The following ORC2 variants were observed in gnomAD, a reference collection of about 807,000 sequenced individuals.
ORC2 encodes the protein origin recognition complex protein 2 homolog.
A neutral mutation model predicts 77.7 loss-of-function variants in ORC2; 37 were observed. The ratio of observed to expected loss-of-function variants is 0.48; its 90% CI spans 0.37 to 0.63. The LOEUF is 0.63. Ranked by LOEUF, ORC2 falls within the 20% of genes least tolerant of loss-of-function variation. The pLI, the probability that ORC2 is intolerant of heterozygous loss-of-function variation, is 0.00. For synonymous variants in ORC2, 201 were observed against 229.5 expected (o/e 0.88, Z 1.12); for missense variants, 557 against 661.9 (o/e 0.84, Z 1.74).
chr2:200,914,538 G>C (rs1490176290), intron 15 of ORC2, among the ~76,000 whole-genome samples: 8 of 152,070 alleles, frequency 5.3e-5, no homozygotes, highest in African/African-American at 1.9e-4. Context: ...CACCCCTTTG[G>C]GAGACTGAGG....
intron 15 of ORC2, among the ~76,000 whole-genome samples, chr2:200,916,413 A>G (rs1172580677): frequency 6.6e-6 from 1 of 151,906 alleles, no homozygotes; most frequent in Non-Finnish European, 1.5e-5. Context: ...TAAACCCCAG[A>G]GAGGGAGGTT....
chr2:200,954,932 A>G (rs186635033), intron 4 of ORC2, among the ~76,000 whole-genome samples: 34 of 152,134 alleles, frequency 2.2e-4, no homozygotes, highest in Non-Finnish European at 3.4e-4. Context: ...ATAAATAAAT[A>G]AATAAATGGT....
intron 11 of ORC2, among the ~76,000 whole-genome samples, chr2:200,930,303 A>G (rs1392633607): frequency 6.6e-6 from 1 of 152,236 alleles, no homozygotes; most frequent in Admixed American, 6.5e-5. Context: ...AGCAATTCCA[A>G]CAAACTTGCT....
intron 3 of ORC2, among the ~76,000 whole-genome samples, chr2:200,957,793 G>A (rs2041498319): frequency 6.6e-6 from 1 of 151,344 alleles, no homozygotes; most frequent in Admixed American, 6.6e-5. Flanking sequence ...ATTACAATGG[G>A]TAGTTATTAG....
At chr2:200,939,507 GCTTAT>G (rs1009284091) in intron 7 of ORC2, among the ~76,000 whole-genome samples, 36 of 152,268 alleles carry the variant, frequency 2.4e-4, no homozygotes, top group African/African-American at 8.2e-4. Context: ...AGGGCAAACA[GCTTAT>G]CTTATCAACA....
chr2:200,940,995 CA>C (rs1394583367), intron 7 of ORC2, among the ~76,000 whole-genome samples: 1 of 152,146 alleles, frequency 6.6e-6, no homozygotes, highest in Non-Finnish European at 1.5e-5. Context: ...AAAAGCACAA[CA>C]GTTGGGTCTG....
At chr2:200,941,355 A>G in intron 6 of ORC2, 76 bp from the exon 7 acceptor site, 1 of 1,390,274 alleles carries the variant, frequency 7.2e-7, no homozygotes, top group Admixed American at 1.8e-5. Flanking sequence ...CATTAAAAGT[A>G]AAGTTTGCCA....
At chr2:200,955,232 A>AT (rs1474246850) in intron 4 of ORC2, among the ~76,000 whole-genome samples, 3 of 152,210 alleles carry the variant, frequency 2.0e-5, no homozygotes, top group African/African-American at 7.2e-5. Context: ...TAGGCCTGGC[A>AT]TAATAGGGAG....
chr2:200,941,372 G>A, intron 6 of ORC2, 93 bp from the exon 7 acceptor site: 1 of 1,153,814 alleles, frequency 8.7e-7, no homozygotes, highest in Non-Finnish European at 1.3e-6. Context: ...GCCAGGCATG[G>A]TGGCTCACAT....
chr2:200,909,440 G>A lies in ORC2; in HGVS notation c.*1861C>T, dbSNP rs972444315. ...GACTAAGCCCTTGGCCAGGCATAGT[G>A]GCTCACCCCTGATCCCAGTACTTTG... On this transcript the variant is annotated 3_prime_UTR_variant, in exon 18 of 18. Transcript: ENST00000234296. The A allele has an allele frequency of 1.3e-4, 20 of 152,038 alleles. No homozygotes were observed. The highest frequency in any genetic ancestry group is 4.6e-4 in the African/African-American group (19 of 41,476). The allele number at this position is 152,038 out of a possible 1,614,324, so 9.4% of individuals were successfully genotyped here. A position where few individuals can be genotyped will look rare whatever the true frequency, so the allele number is the denominator to read the frequency against.
chr2:200,944,981 C>T (rs10205561), intron 5 of ORC2, among the ~76,000 whole-genome samples: 42,321 of 152,122 alleles, frequency 0.28, 8,303 homozygotes, highest in African/African-American at 0.55. Flanking sequence ...TTAAGTACAG[C>T]TTTATGTAGC....
intron 11 of ORC2, among the ~76,000 whole-genome samples, chr2:200,930,392 G>A (rs536616036): frequency 1.3e-5 from 2 of 152,212 alleles, no homozygotes; most frequent in African/African-American, 4.8e-5. Context: ...ATGATGGGCT[G>A]GGGATGGGAT....
intron 13 of ORC2, among the ~76,000 whole-genome samples, chr2:200,923,806 AT>A (rs1175426991): frequency 6.6e-6 from 1 of 152,124 alleles, no homozygotes; most frequent in Non-Finnish European, 1.5e-5. Flanking sequence ...TGTGAAAACG[AT>A]GCTTGTTTAT....
chr2:200,961,069 C>T (rs927337269), intron 1 of ORC2, among the ~76,000 whole-genome samples: 36 of 151,482 alleles, frequency 2.4e-4, no homozygotes, highest in Middle Eastern at 3.5e-3. Context: ...GCCACTGCAC[C>T]TGGCAGATTC....
In ORC2 at chr2:200,954,904, G is replaced by GAATAAATA. The variant is rs66473778; in HGVS notation, c.238+2489_238+2496dup. On this transcript the variant is annotated intron_variant, in intron 4 of 17. Coordinates refer to ENST00000234296, the MANE Select transcript of ORC2 (RefSeq NM_006190.5). ...GTGAGGAATGAATGAATGAATGAATGAATAAATAAATAAATAAATAAATAA... is the reference window on the plus strand; with the variant it reads ...GTGAGGAATGAATGAATGAATGAATGAATAAATAAATAAATAAATAAATAAATAAATAA... Among the ~76,000 whole-genome samples the GAATAAATA allele has an allele frequency of 6.6e-3, 952 of 144,714 alleles. 5 individuals carry two copies. The highest frequency in any genetic ancestry group is 0.018 in the African/African-American group (683 of 38,330). The allele number at this position is 144,714 out of a possible 152,430, so 94.9% of individuals were successfully genotyped here. A position where few individuals can be genotyped will look rare whatever the true frequency, so the allele number is the denominator to read the frequency against.
intron 2 of ORC2, among the ~76,000 whole-genome samples, chr2:200,959,062 C>T (rs1209202512): frequency 6.6e-6 from 1 of 152,046 alleles, no homozygotes; most frequent in East Asian, 1.9e-4. Flanking sequence ...TGTGTTGCTG[C>T]AGCCTCAACC....
In ORC2 at chr2:200,933,994, T is replaced by A; in HGVS notation, c.709-20A>T. Reference sequence around the variant, plus strand: ...GTCACTCTGAAAGTGAACAGAGTAGTCAGTCCTTAGTAGCTTCAAATATCT... The same window carrying A: ...GTCACTCTGAAAGTGAACAGAGTAGACAGTCCTTAGTAGCTTCAAATATCT... On this transcript the variant is annotated intron_variant, in intron 9 of 17. Transcript: ENST00000234296. The A allele has an allele frequency of 7.5e-7, 1 of 1,338,164 alleles. No individual in the cohort carries two copies. Among genetic ancestry groups the A allele is most frequent in the Non-Finnish European group, 1.1e-6 (1 of 936,820 alleles). The allele number at this position is 1,338,164 out of a possible 1,614,324, so 82.9% of individuals were successfully genotyped here.
intron 13 of ORC2, among the ~76,000 whole-genome samples, chr2:200,925,132 C>CA (rs1450357607): frequency 6.6e-6 from 1 of 152,100 alleles, no homozygotes; most frequent in Non-Finnish European, 1.5e-5. Flanking sequence ...CAAGTGGAGG[C>CA]ACTTTACACA....
In ORC2 at chr2:200,942,733, A is replaced by G. The variant is rs767428974; in HGVS notation, c.373T>C (p.Leu125=). The change falls in exon 6 of 18, where the codon TTG becomes CTG. Residue 125 remains leucine, a synonymous_variant. Coordinates refer to ENST00000234296, the MANE Select transcript of ORC2 (RefSeq NM_006190.5). ...ATCGTAATCTCAGGATCATTCTTCAAACTGAATGAAACACTTTTTTGTGGT... is the reference window on the plus strand; with the variant it reads ...ATCGTAATCTCAGGATCATTCTTCAGACTGAATGAAACACTTTTTTGTGGT... The part of the protein sequence containing the change: ...KTPQKSVSFS[L]KNDPEITINV... The G allele has an allele frequency of 6.2e-7, 1 of 1,610,840 alleles. No individual in the cohort carries two copies. Among genetic ancestry groups the G allele is most frequent in the South Asian group, 1.1e-5 (1 of 90,564 alleles).
Sources: gnomAD v4.1 joint callset for allele counts (sites outside exome capture counted in the v4.1 genomes callset) on GRCh38, gnomAD v4.1.1 for gene constraint, MANE v1.5 for transcripts, NCBI Gene and HGNC (gene_info 2026-07-23, HGNC 2026-07-21) for gene names.